FER: variants seen among roughly 807,000 people sequenced by gnomAD.
FER encodes the protein tyrosine-protein kinase Fer.
A neutral mutation model predicts 111.0 loss-of-function variants in FER; 63 were observed. That is an observed-to-expected ratio of 0.57 (90% CI 0.46 to 0.70). FER has a LOEUF of 0.70. Ranked by LOEUF, FER falls within the 30% of genes least tolerant of loss-of-function variation. FER has a pLI of 0.00. For synonymous variants in FER, 327 were observed against 313.9 expected (o/e 1.04, Z -0.44); for missense variants, 914 against 954.0 (o/e 0.96, Z 0.55).
At chr5:108,994,788 A>G (rs1454584627) in intron 13 of FER, among the ~76,000 whole-genome samples, 1 of 151,974 alleles carries the variant, frequency 6.6e-6, no homozygotes, top group Non-Finnish European at 1.5e-5. Flanking sequence ...TATTTCCTTG[A>G]GCAGTGGTTT....
chr5:109,041,939 T>G (rs1771239922), intron 14 of FER, among the ~76,000 whole-genome samples: 1 of 152,130 alleles, frequency 6.6e-6, no homozygotes, highest in Non-Finnish European at 1.5e-5. Flanking sequence ...TCACTTAAGT[T>G]TAGATGGCAA....
At chr5:109,148,497 T>C (rs1475588180) in intron 17 of FER, among the ~76,000 whole-genome samples, 2 of 152,158 alleles carry the variant, frequency 1.3e-5, no homozygotes, top group African/African-American at 2.4e-5. Context: ...AAACCTGCTT[T>C]TAAGTAGTCT....
intron 5 of FER, among the ~76,000 whole-genome samples, chr5:108,839,747 T>G (rs930242011): frequency 4.6e-5 from 7 of 151,832 alleles, no homozygotes; most frequent in African/African-American, 1.7e-4. Context: ...CTGGCTAATT[T>G]TTTGTATTTT....
chr5:109,068,007 A>T (rs1436315369), intron 16 of FER, among the ~76,000 whole-genome samples: 2 of 152,170 alleles, frequency 1.3e-5, no homozygotes, highest in Non-Finnish European at 2.9e-5. Context: ...CTCTTTATGA[A>T]TAAGAATGTC....
At position 108,825,644 on chromosome 5, in the gene FER, G is replaced by A. The variant is rs142531706; in HGVS notation, c.208-7126G>A. Among the ~76,000 whole-genome samples, 929 of 152,284 alleles carry A rather than the reference G, an allele frequency of 6.1e-3. 15 individuals carry two copies. Among genetic ancestry groups the A allele is most frequent in the African/African-American group, 0.022 (896 of 41,546 alleles). ...GACAGGATTAAGAGATTAAAGTAAA[G>A]ACAGGCATAGGAAATCACAAGGGTA... On this transcript the variant is annotated intron_variant, in intron 3 of 19. Transcript: ENST00000281092.
At chr5:108,807,019 A>G (rs1757279084) in intron 3 of FER, among the ~76,000 whole-genome samples, 1 of 152,152 alleles carries the variant, frequency 6.6e-6, no homozygotes. Context: ...TAACTCCCAC[A>G]ATTCCCATGT....
chr5:109,147,730 A>G (rs1376405432), intron 17 of FER, among the ~76,000 whole-genome samples: 6 of 151,222 alleles, frequency 4.0e-5, no homozygotes. Flanking sequence ...AGTGCATACA[A>G]ACATGCAAAC....
intron 13 of FER, among the ~76,000 whole-genome samples, chr5:108,967,631 G>A (rs1175021208): frequency 6.6e-6 from 1 of 151,866 alleles, no homozygotes; most frequent in Non-Finnish European, 1.5e-5. Context: ...GTGGTGGTGG[G>A]CACCTGTAAC....
In FER at chr5:109,196,113, C is replaced by G. The variant is rs1028769039; in HGVS notation, c.*8538C>G. 1 of 152,212 alleles carries G rather than the reference C, an allele frequency of 6.6e-6. No individual in the cohort carries two copies. The highest frequency in any genetic ancestry group is 2.4e-5 in the African/African-American group (1 of 41,446). The allele number at this position is 152,212 out of a possible 1,614,324, so 9.4% of individuals were successfully genotyped here. ...AACAGCCCTGACTTCTTCAGGAATC[C>G]AAGCAAATTGAAAGCCAAGACAAAA... On this transcript the variant is annotated 3_prime_UTR_variant, in exon 20 of 20. Coordinates refer to ENST00000281092, the MANE Select transcript of FER (RefSeq NM_005246.4).
At position 108,897,790 on chromosome 5, in the gene FER, G is replaced by A. The variant is rs1268140433; in HGVS notation, c.1178G>A (p.Gly393Glu). The change falls in exon 10 of 20, where the codon GGG becomes GAG. Residue 393 changes from glycine (G) to glutamate (E), a missense_variant. Gly to Glu is a moderately conservative substitution (Grantham distance 98). This residue lies in a region of FER where 774 missense variants were observed against 782.6 expected (regional missense o/e 0.99). Coordinates refer to ENST00000281092, the MANE Select transcript of FER (RefSeq NM_005246.4). ...GAGCAAAAAGTGCAAGAAAATGATG[G>A]GAAAGAGCCACCTCCAGTAGTAAAT... Reference protein sequence around the residue: ...LLEQKVQENDGKEPPPVVNYE... With the variant: ...LLEQKVQENDEKEPPPVVNYE... 5 of 1,613,282 alleles carry A rather than the reference G, an allele frequency of 3.1e-6. No individual in the cohort carries two copies. The highest frequency in any genetic ancestry group is 4.2e-6 in the Non-Finnish European group (5 of 1,179,636).
At chr5:108,979,397 T>G (rs745471189) in intron 13 of FER, among the ~76,000 whole-genome samples, 5 of 152,300 alleles carry the variant, frequency 3.3e-5, no homozygotes, top group Admixed American at 1.3e-4. Flanking sequence ...GGCAAAGTGG[T>G]GAAAGCATTA....
At chr5:108,861,528 T>G (rs920487831) in intron 5 of FER, among the ~76,000 whole-genome samples, 9 of 152,138 alleles carry the variant, frequency 5.9e-5, no homozygotes, top group African/African-American at 1.9e-4. Context: ...TTGATTGACA[T>G]GTAGAACACT....
intron 5 of FER, among the ~76,000 whole-genome samples, chr5:108,860,892 A>G (rs1192160106): frequency 6.6e-6 from 1 of 152,220 alleles, no homozygotes; most frequent in Non-Finnish European, 1.5e-5. Flanking sequence ...GTGGCAGGTG[A>G]GAGAGACTGA....
chr5:108,947,433 C>T (rs563970694), intron 11 of FER, among the ~76,000 whole-genome samples: 16 of 152,068 alleles, frequency 1.1e-4, no homozygotes, highest in African/African-American at 3.9e-4. Context: ...TTTTAATTTC[C>T]ATTTTCCTAA....
At chr5:108,986,503 G>A (rs755489666) in intron 13 of FER, among the ~76,000 whole-genome samples, 10 of 151,960 alleles carry the variant, frequency 6.6e-5, no homozygotes, top group Admixed American at 5.2e-4. Context: ...TGGGTTCTTG[G>A]TTATGAAGTC....
At chr5:109,085,900 C>A (rs1777511567) in intron 16 of FER, among the ~76,000 whole-genome samples, 1 of 151,740 alleles carries the variant, frequency 6.6e-6, no homozygotes, top group Non-Finnish European at 1.5e-5. Flanking sequence ...AAACCTACTT[C>A]ATCATGTTGT....
At chr5:108,781,467 C>T (rs1230023825) in intron 2 of FER, among the ~76,000 whole-genome samples, 1 of 152,234 alleles carries the variant, frequency 6.6e-6, no homozygotes, top group Non-Finnish European at 1.5e-5. Context: ...GCTGGGATTA[C>T]AGGCGTGAGC....
intron 17 of FER, among the ~76,000 whole-genome samples, chr5:109,169,945 A>G (rs906705477): frequency 6.6e-6 from 1 of 152,340 alleles, no homozygotes; most frequent in African/African-American, 2.4e-5. Flanking sequence ...AACATTCAGT[A>G]TCTAAATCTA....
chr5:109,026,773 G>T (rs763297235), intron 13 of FER, among the ~76,000 whole-genome samples: 1 of 152,098 alleles, frequency 6.6e-6, no homozygotes, highest in Non-Finnish European at 1.5e-5. Flanking sequence ...CCGCCTCCCG[G>T]GTTCAAGGAA....
Sources: gnomAD v4.1 joint callset for allele counts (sites outside exome capture counted in the v4.1 genomes callset) on GRCh38, gnomAD v4.1.1 for gene constraint, gnomAD v4.1.1 regional missense constraint, MANE v1.5 for transcripts, NCBI Gene and HGNC (gene_info 2026-07-23, HGNC 2026-07-21) for gene names.